JAKMIP1: variants seen among roughly 807,000 people sequenced by gnomAD.
JAKMIP1 encodes the protein janus kinase and microtubule-interacting protein 1.
In JAKMIP1, 33 loss-of-function variants were observed where a neutral mutation model predicts 113.0. The observed-to-expected ratio is 0.29, with a 90% CI of 0.22 to 0.39. The LOEUF (loss-of-function observed/expected upper bound fraction) is 0.39. Ranked by LOEUF, JAKMIP1 falls within the 10% of genes least tolerant of loss-of-function variation. The pLI is 1.00. For missense variants in JAKMIP1, 813 were observed against 1,080.5 expected (o/e 0.75, Z 3.47); for synonymous variants, 480 against 459.9 (o/e 1.04, Z -0.56).
At chr4:6,118,066 G>A (rs1363139937) in intron 1 of JAKMIP1, among the ~76,000 whole-genome samples, 1 of 152,198 alleles carries the variant, frequency 6.6e-6, no homozygotes, top group Non-Finnish European at 1.5e-5. Context: ...GTAAAGACAG[G>A]CATAGGAAAT....
intron 1 of JAKMIP1, among the ~76,000 whole-genome samples, chr4:6,152,801 TATATATATAC>T (rs935736580): frequency 1.7e-5 from 2 of 121,168 alleles, no homozygotes; most frequent in African/African-American, 8.0e-5. Flanking sequence ...TATATATATA[TATATATATAC>T]ATATATATAT....
In JAKMIP1 at chr4:6,044,724, T is replaced by TTAAAAAATTGCATA. The variant is rs144383799; in HGVS notation, c.2029-2511_2029-2498dup. On this transcript the variant is annotated intron_variant, in intron 16 of 20. Transcript: ENST00000409021. This position sits in a 1 kb window ranked among gnomAD's most constrained non-coding sequence, Gnocchi z 4.4. ...TGTTGAGATTTGTTGCTGCTGTCGT[T>TTAAAAAATTGCATA]TAAAAAATTGCATATAAAAAATAAA... 0.027 allele frequency among the ~76,000 whole-genome samples: 4,093 copies of TTAAAAAATTGCATA among 152,228 alleles called. 149 individuals are homozygous for TTAAAAAATTGCATA. The highest frequency in any genetic ancestry group is 0.082 in the African/African-American group (3,423 of 41,496).
intron 1 of JAKMIP1, among the ~76,000 whole-genome samples, chr4:6,114,012 G>C (rs1302392466): frequency 6.6e-6 from 1 of 152,220 alleles, no homozygotes; most frequent in Non-Finnish European, 1.5e-5. Context: ...TGGGAATCCT[G>C]TCCTATCATC....
chr4:6,190,204 G>T (rs993493046), intron 1 of JAKMIP1, among the ~76,000 whole-genome samples: 1 of 45,720 alleles, frequency 2.2e-5, no homozygotes, highest in Non-Finnish European at 4.7e-5. Context: ...GCAGGCCATG[G>T]GGGGGGCTGC....
chr4:6,124,182 G>A (rs916917748), intron 1 of JAKMIP1, among the ~76,000 whole-genome samples: 3 of 152,180 alleles, frequency 2.0e-5, no homozygotes, highest in African/African-American at 7.2e-5. Context: ...TGGGCCGTGC[G>A]GACGGCACCA....
Position 6,139,656 on chromosome 4 carries a change from C to T in JAKMIP1, c.-147-26659G>A, listed in dbSNP as rs1719813275. Among the ~76,000 whole-genome samples, 1 of 151,938 alleles carries T rather than the reference C, an allele frequency of 6.6e-6. No individual in the cohort carries two copies. Among genetic ancestry groups the T allele is most frequent in the Non-Finnish European group, 1.5e-5 (1 of 68,002 alleles). ...TGGCACACACCTGTAGTCCCAGCTA[C>T]TTGGGAGGCTGAGGCAGGAGAATCG... is the stretch of plus-strand genomic sequence containing the variant. On this transcript the variant is annotated intron_variant, in intron 1 of 20. Transcript: ENST00000409021. The surrounding 1 kb of genome is among the most constrained non-coding windows in gnomAD (Gnocchi z 5.2).
At chr4:6,191,560 G>C (rs1259429428) in intron 1 of JAKMIP1, among the ~76,000 whole-genome samples, 1 of 152,212 alleles carries the variant, frequency 6.6e-6, no homozygotes, top group Non-Finnish European at 1.5e-5. Context: ...CTTGTTTACA[G>C]AGGAGGAAAC....
chr4:6,091,201 G>A (rs1002983941), intron 3 of JAKMIP1, among the ~76,000 whole-genome samples: 2 of 152,118 alleles, frequency 1.3e-5, no homozygotes, highest in Admixed American at 6.5e-5. Flanking sequence ...CTTCTCCTAA[G>A]TGGACCATTT....
rs200089118 is a variant in JAKMIP1 at position 6,118,809 on chromosome 4, G to GCC, written c.-147-5814_-147-5813dup. Among the ~76,000 whole-genome samples, 1,481 of 152,208 alleles carry GCC rather than the reference G, an allele frequency of 9.7e-3. 12 individuals are homozygous for GCC. Among genetic ancestry groups the GCC allele is most frequent in the Middle Eastern group, 0.031 (9 of 294 alleles). ...GAGGGCTGAGGCGGGCTGAATCGTGGCCCCCAAAGAAATACGATCACATCC... is the reference window on the plus strand; with the variant it reads ...GAGGGCTGAGGCGGGCTGAATCGTGGCCCCCCCAAAGAAATACGATCACATCC... On this transcript the variant is annotated intron_variant, in intron 1 of 20. Transcript: ENST00000409021.
rs1179500778 is a variant in JAKMIP1, at chr4:6,065,187, G to C, written c.1303-179C>G. 6.6e-6 allele frequency among the ~76,000 whole-genome samples: 1 copy of C among 152,174 alleles called. No homozygotes were observed. Among genetic ancestry groups the C allele is most frequent in the Non-Finnish European group, 1.5e-5 (1 of 68,032 alleles). ...TGGGTGGGATAAAAGGTGGCAGCAG[G>C]TGGCGGATGACCCTAGGGTTTACAG... On this transcript the variant is annotated intron_variant, in intron 8 of 20. Coordinates refer to ENST00000409021, the MANE Select transcript of JAKMIP1 (RefSeq NM_001099433.2). The surrounding 1 kb of genome is among the most constrained non-coding windows in gnomAD (Gnocchi z 5.1).
At chr4:6,039,375 G>A (rs1305713959) in intron 18 of JAKMIP1, among the ~76,000 whole-genome samples, 1 of 152,264 alleles carries the variant, frequency 6.6e-6, no homozygotes, top group East Asian at 1.9e-4. Context: ...CCTTTAGCAC[G>A]CTAAGACCCC....
chr4:6,062,585 C>T, intron 9 of JAKMIP1, 145 bp from the exon 10 acceptor site: 1 of 873,240 alleles, frequency 1.1e-6, no homozygotes, highest in Non-Finnish European at 1.8e-6. Context: ...ACGACCACAT[C>T]TCACAGTGCT....
chr4:6,084,817 G>A, intron 5 of JAKMIP1, 29 bp downstream of exon 5: 1 of 1,603,920 alleles, frequency 6.2e-7, no homozygotes, highest in Non-Finnish European at 8.5e-7. Flanking sequence ...CACCCTATGA[G>A]GCACCGCCTG....
intron 3 of JAKMIP1, among the ~76,000 whole-genome samples, chr4:6,090,268 G>A (rs1012757606): frequency 6.6e-6 from 1 of 152,016 alleles, no homozygotes; most frequent in Non-Finnish European, 1.5e-5. Context: ...AGACATGCAG[G>A]GGAGAAGGCC....
chr4:6,168,760 C>A lies in JAKMIP1; in HGVS notation c.-148+31493G>T, dbSNP rs1407603248. ...AAACAAAACACAAAAATTAGCCAGG[C>A]CTGGTGGCATGCCCCTGTGGTCCCA... On this transcript the variant is annotated intron_variant, in intron 1 of 20. Transcript: ENST00000409021. The surrounding 1 kb of genome is among the most constrained non-coding windows in gnomAD (Gnocchi z 4.6). Among the ~76,000 whole-genome samples, 2 of 151,840 alleles carry A rather than the reference C, an allele frequency of 1.3e-5. No homozygotes were observed. Among genetic ancestry groups the A allele is most frequent in the African/African-American group, 2.4e-5 (1 of 41,342 alleles).
rs368759099 is a variant in JAKMIP1 at position 6,135,242 on chromosome 4, G to A, written c.-147-22245C>T. Among the ~76,000 whole-genome samples the A allele has an allele frequency of 6.6e-6, 1 of 152,210 alleles. No individual in the cohort carries two copies. The highest frequency in any genetic ancestry group is 6.5e-5 in the Admixed American group (1 of 15,284). ...TTTATGGAGGTAAGTTAGGTAAAAT[G>A]GGGCTGTGGATTAGGGTGGGACCTA... is the stretch of plus-strand genomic sequence containing the variant. On this transcript the variant is annotated intron_variant, in intron 1 of 20. Transcript: ENST00000409021. The surrounding 1 kb of genome is among the most constrained non-coding windows in gnomAD (Gnocchi z 4.9).
At position 6,140,763 on chromosome 4, in the gene JAKMIP1, G is replaced by A. The variant is rs897849475; in HGVS notation, c.-147-27766C>T. Among the ~76,000 whole-genome samples the A allele has an allele frequency of 1.3e-5, 2 of 152,180 alleles. No individual in the cohort carries two copies. The highest frequency in any genetic ancestry group is 6.5e-5 in the Admixed American group (1 of 15,290). ...TAGAATAATATTTCTCTCGTCTGGT[G>A]TCATCCTTTGGGCAATAAGAAAGAT... On this transcript the variant is annotated intron_variant, in intron 1 of 20. Transcript: ENST00000409021. The surrounding 1 kb of genome is among the most constrained non-coding windows in gnomAD (Gnocchi z 9.4).
Position 6,193,231 on chromosome 4 carries a change from G to C in JAKMIP1, c.-148+7022C>G, listed in dbSNP as rs931201338. 6.6e-6 allele frequency among the ~76,000 whole-genome samples: 1 copy of C among 152,120 alleles called. No individual in the cohort carries two copies. Among genetic ancestry groups the C allele is most frequent in the African/African-American group, 2.4e-5 (1 of 41,414 alleles). ...GTTTGCCAGGGGCTCTAAGGCCTTT[G>C]GCCACAGGCTGAAGGCTGTGCTGTT... On this transcript the variant is annotated intron_variant, in intron 1 of 20. Transcript: ENST00000409021. This position sits in a 1 kb window ranked among gnomAD's most constrained non-coding sequence, Gnocchi z 6.4.
At chr4:6,149,311 A>T (rs561296508) in intron 1 of JAKMIP1, among the ~76,000 whole-genome samples, 1 of 152,360 alleles carries the variant, frequency 6.6e-6, no homozygotes, top group Admixed American at 6.5e-5. Flanking sequence ...CTCTCCCCAC[A>T]GGCCAACACT....
Sources: allele counts gnomAD v4.1 joint callset (sites outside exome capture counted in the v4.1 genomes callset), GRCh38; gene constraint gnomAD v4.1.1; non-coding constraint Gnocchi (gnomAD v3.1); transcripts MANE v1.5; gene names NCBI Gene and HGNC (gene_info 2026-07-23, HGNC 2026-07-21).